Variants in ARMC9 observed in about 807,000 individuals in gnomAD.
ARMC9 encodes the protein armadillo repeat containing 9.
ARMC9 carries 94 observed loss-of-function variants against 107.0 expected under a neutral mutation model. The ratio of observed to expected loss-of-function variants is 0.88; its 90% confidence interval spans 0.74 to 1.04. The LOEUF is 1.04. Ranked by LOEUF, ARMC9 falls within the 50% of genes least tolerant of loss-of-function variation. The pLI, the probability that ARMC9 is intolerant of heterozygous loss-of-function variation, is 0.00. For missense variants in ARMC9, 942 were observed against 1,030.1 expected (o/e 0.91, Z 1.17); for synonymous variants, 380 against 396.9 (o/e 0.96, Z 0.51).
At chr2:231,256,375 T>C (rs1228633517) in intron 9 of ARMC9, 2 of 1,342,176 alleles carry the variant, frequency 1.5e-6, no homozygotes, top group East Asian at 2.5e-5. Context: ...TCTGTCACAG[T>C]CTGCTCCTTT....
At chr2:231,256,746 G>A in intron 10 of ARMC9, 126 bp downstream of exon 10, 2 of 969,670 alleles carry the variant, frequency 2.1e-6, no homozygotes, top group East Asian at 5.0e-5. Context: ...AGAGCTACAT[G>A]TGAATATTAA....
Position 231,360,709 on chromosome 2 carries a change from G to A in ARMC9, c.2132-45G>A, listed in dbSNP as rs1370618432. ...GCCCACGAGAGGGCATCCTTAGAGG[G>A]GCTCCAGAGCAGATGTGGACTGAAC... On this transcript the variant is annotated intron_variant, in intron 22 of 24. Transcript: ENST00000611582. The surrounding 1 kb of genome is among the most constrained non-coding windows in gnomAD (Gnocchi z 4.7). The A allele has an allele frequency of 6.5e-7, 1 of 1,536,102 alleles. No homozygotes were observed. The highest frequency in any genetic ancestry group is 1.4e-5 in the African/African-American group (1 of 73,170).
At position 231,331,896 on chromosome 2, in the gene ARMC9, G is replaced by A. The variant is rs1380715569; in HGVS notation, c.1877G>A (p.Gly626Glu). ...AAGCTTCTGACCACGGAGTACCTGG[G>A]GGTAAGTGCCACACAAAGGGTGGGG... ...GEKLLTTEYL[G>E]IMTNTGKTRR... The change falls in exon 20 of 25, where the codon GGG (glycine) becomes GAG (glutamate). Residue 626 changes from glycine to glutamate, a missense_variant and splice_region_variant. Coordinates refer to ENST00000611582, the MANE Select transcript of ARMC9 (RefSeq NM_001352754.2). 2 of 1,610,050 alleles carry A rather than the reference G, an allele frequency of 1.2e-6. No homozygotes were observed. Among genetic ancestry groups the A allele is most frequent in the Non-Finnish European group, 1.7e-6 (2 of 1,176,838 alleles).
At chr2:231,350,511 C>T (rs750887607) in intron 21 of ARMC9, among the ~76,000 whole-genome samples, 91 of 151,182 alleles carry the variant, frequency 6.0e-4, no homozygotes, top group Non-Finnish European at 1.2e-3. Context: ...AATCCTAGCA[C>T]TTTGGGAGGT....
At chr2:231,272,907 A>C (rs758062078) in intron 13 of ARMC9, 48 bp from the exon 14 acceptor site, 1 of 1,597,126 alleles carries the variant, frequency 6.3e-7, no homozygotes, top group Non-Finnish European at 8.5e-7. Flanking sequence ...AGCATACCAG[A>C]TAAATTATTT....
chr2:231,223,451 T>C (rs753335181), intron 6 of ARMC9, among the ~76,000 whole-genome samples: 1 of 152,136 alleles, frequency 6.6e-6, no homozygotes, highest in Admixed American at 6.5e-5. Flanking sequence ...ACCCAACCCA[T>C]GGAAGACTAA....
At chr2:231,233,402 T>A (rs1046893904) in intron 7 of ARMC9, among the ~76,000 whole-genome samples, 6 of 152,182 alleles carry the variant, frequency 3.9e-5, no homozygotes, top group South Asian at 2.1e-4. Context: ...CCTGATCATC[T>A]TTATTTGTGG....
At chr2:231,353,976 TATATACACACACACACACAC>T (rs1372735348) in intron 21 of ARMC9, among the ~76,000 whole-genome samples, 4 of 125,522 alleles carry the variant, frequency 3.2e-5, no homozygotes, top group African/African-American at 2.0e-4. Flanking sequence ...CATATATGTA[TATATACACACACACACACAC>T]ACACACACAC....
rs558625963 is a variant in ARMC9, at chr2:231,318,909, A to G, written c.1774-12884A>G. Among the ~76,000 whole-genome samples, 5 of 152,222 alleles carry G rather than the reference A, an allele frequency of 3.3e-5. No individual in the cohort carries two copies. In the South Asian group the frequency reaches 1.0e-3, roughly 31 times the overall value. ...TCCTATTTGGAGAAAGCAAGCCTTCAACAAATAAGCAGAGATGATAGCCAG... is the reference window on the plus strand; with the variant it reads ...TCCTATTTGGAGAAAGCAAGCCTTCGACAAATAAGCAGAGATGATAGCCAG... On this transcript the variant is annotated intron_variant, in intron 19 of 24. Transcript: ENST00000611582.
intron 12 of ARMC9, among the ~76,000 whole-genome samples, chr2:231,268,938 G>A (rs2039076983): frequency 6.6e-6 from 1 of 152,102 alleles, no homozygotes; most frequent in South Asian, 2.1e-4. Flanking sequence ...ATGTTGGCGT[G>A]CACCTGTAGT....
At chr2:231,310,744 T>TG (rs2042300040) in intron 19 of ARMC9, among the ~76,000 whole-genome samples, 1 of 124,524 alleles carries the variant, frequency 8.0e-6, no homozygotes, top group South Asian at 2.6e-4. Context: ...TCTCAAAAGA[T>TG]AAAAAAAAAA....
At chr2:231,222,428 A>G (rs189401901) in intron 5 of ARMC9, among the ~76,000 whole-genome samples, 510 of 152,314 alleles carry the variant, frequency 3.3e-3, no homozygotes, top group Non-Finnish European at 5.2e-3. Context: ...TATGCAGCCT[A>G]ATAAGGTTCC....
chr2:231,216,330 C>A (rs2033496576), intron 4 of ARMC9, among the ~76,000 whole-genome samples: 1 of 152,144 alleles, frequency 6.6e-6, no homozygotes, highest in Non-Finnish European at 1.5e-5. Context: ...TGATAGACAA[C>A]ATGAGGTTTT....
At chr2:231,331,433 C>A (rs2043727248) in intron 19 of ARMC9, among the ~76,000 whole-genome samples, 1 of 145,434 alleles carries the variant, frequency 6.9e-6, no homozygotes, top group Non-Finnish European at 1.5e-5. Context: ...CCCATAAGGC[C>A]TGTGTATGAC....
intron 19 of ARMC9, among the ~76,000 whole-genome samples, chr2:231,325,112 T>G (rs1390884142): frequency 6.6e-6 from 1 of 152,082 alleles, no homozygotes; most frequent in Non-Finnish European, 1.5e-5. Context: ...TGGTCCCAGC[T>G]ACTTGGGAGG....
intron 19 of ARMC9, among the ~76,000 whole-genome samples, chr2:231,330,920 T>C (rs2125556253): frequency 6.6e-6 from 1 of 152,144 alleles, no homozygotes; most frequent in Non-Finnish European, 1.5e-5. Flanking sequence ...GTGTGGCATA[T>C]ATGAAACAAA....
rs554009491 is a variant in ARMC9, at chr2:231,360,528, T to G, written c.2132-226T>G. ...GCGGCCAGGGTGATCTGAACCTCCCTGGGCTGTGCCTGTCACCACCAGCAG... is the reference window on the plus strand; with the variant it reads ...GCGGCCAGGGTGATCTGAACCTCCCGGGGCTGTGCCTGTCACCACCAGCAG... On this transcript the variant is annotated intron_variant, in intron 22 of 24. Transcript: ENST00000611582. This position sits in a 1 kb window ranked among gnomAD's most constrained non-coding sequence, Gnocchi z 4.7. Among the ~76,000 whole-genome samples, 1 of 152,266 alleles carries G rather than the reference T, an allele frequency of 6.6e-6. No individual in the cohort carries two copies. Among genetic ancestry groups the G allele is most frequent in the South Asian group, 2.1e-4 (1 of 4,826 alleles).
At chr2:231,296,357 T>G in intron 19 of ARMC9, 104 bp downstream of exon 19, 2 of 1,020,642 alleles carry the variant, frequency 2.0e-6, no homozygotes, top group South Asian at 3.1e-5. Context: ...TCATTCCTGC[T>G]ACACTATTTC....
chr2:231,334,349 T>A (rs1055685189), intron 20 of ARMC9, among the ~76,000 whole-genome samples: 13 of 152,252 alleles, frequency 8.5e-5, no homozygotes, highest in Non-Finnish European at 1.9e-4. Flanking sequence ...GGGAGGATCC[T>A]TCTTGCCTCT....
Sources: gnomAD v4.1 joint callset for allele counts (sites outside exome capture counted in the v4.1 genomes callset) on GRCh38, gnomAD v4.1.1 for gene constraint, Gnocchi (gnomAD v3.1) non-coding constraint, MANE v1.5 for transcripts, NCBI Gene and HGNC (gene_info 2026-07-23, HGNC 2026-07-21) for gene names.